MTDH: variants seen among roughly 807,000 people sequenced by gnomAD.
The protein encoded by MTDH is protein LYRIC.
Under a neutral mutation model 72.7 loss-of-function variants are expected in MTDH, and 34 were observed. That is an observed-to-expected ratio of 0.47 (90% confidence interval 0.36 to 0.62). The LOEUF is 0.62. Ranked by LOEUF, MTDH falls within the 20% of genes least tolerant of loss-of-function variation. The pLI is 0.00. For missense variants in MTDH, 677 were observed against 699.4 expected (o/e 0.97, Z 0.36); for synonymous variants, 266 against 268.9 (o/e 0.99, Z 0.10).
At chr8:97,663,765 A>G (rs1355785137) in intron 2 of MTDH, among the ~76,000 whole-genome samples, 1 of 151,362 alleles carries the variant, frequency 6.6e-6, no homozygotes, top group Non-Finnish European at 1.5e-5. Flanking sequence ...AAAAAAAAAA[A>G]AAAGACTTTA....
At chr8:97,657,946 A>C (rs1398240312) in intron 1 of MTDH, among the ~76,000 whole-genome samples, 1 of 152,214 alleles carries the variant, frequency 6.6e-6, no homozygotes, top group East Asian at 1.9e-4. Context: ...TTGCTAATTT[A>C]AGTATGATTA....
intron 1 of MTDH, among the ~76,000 whole-genome samples, chr8:97,659,898 C>A (rs1812113966): frequency 6.6e-6 from 1 of 152,186 alleles, no homozygotes. Context: ...GTGGCTCACG[C>A]CTGTAATCCC....
At chr8:97,666,026 G>GCTGA (rs1212903084) in intron 2 of MTDH, among the ~76,000 whole-genome samples, 4 of 151,948 alleles carry the variant, frequency 2.6e-5, no homozygotes, top group Admixed American at 2.6e-4. Flanking sequence ...TACTCAGGAG[G>GCTGA]CTGAGGCAGG....
At chr8:97,648,772 T>G (rs962412622) in intron 1 of MTDH, among the ~76,000 whole-genome samples, 1 of 152,232 alleles carries the variant, frequency 6.6e-6, no homozygotes, top group African/African-American at 2.4e-5. Context: ...ATAATAGTGT[T>G]TCCTTTTGTT....
chr8:97,719,528 G>C (rs1258148529), intron 10 of MTDH, among the ~76,000 whole-genome samples: 1 of 145,634 alleles, frequency 6.9e-6, no homozygotes, highest in Non-Finnish European at 1.5e-5. Flanking sequence ...ATAAAGTTTT[G>C]TTGACTCAAG....
At chr8:97,658,157 A>T (rs554900699) in intron 1 of MTDH, among the ~76,000 whole-genome samples, 2 of 152,102 alleles carry the variant, frequency 1.3e-5, no homozygotes, top group African/African-American at 2.4e-5. Context: ...GACTTCTGGA[A>T]TCCCAGTAAT....
chr8:97,655,519 C>T (rs1481279329), intron 1 of MTDH, among the ~76,000 whole-genome samples: 1 of 152,200 alleles, frequency 6.6e-6, no homozygotes, highest in Non-Finnish European at 1.5e-5. Flanking sequence ...GCATCTGGAG[C>T]ATTGGACCTG....
chr8:97,713,827 AT>A, intron 9 of MTDH, 58 bp downstream of exon 9: 1 of 972,088 alleles, frequency 1.0e-6, no homozygotes, highest in Non-Finnish European at 1.5e-6. Context: ...ATGTGAAAAG[AT>A]TATGTACAGA....
rs35895126 is a variant in MTDH, at chr8:97,678,594, C to CTTTTTTTTTTTTT, written c.484-8062_484-8050dup. Among the ~76,000 whole-genome samples the CTTTTTTTTTTTTT allele has an allele frequency of 1.4e-3, 116 of 85,322 alleles. 8 individuals carry two copies. The highest frequency in any genetic ancestry group is 3.1e-3 in the African/African-American group (63 of 20,008). 56.0% of individuals were successfully genotyped at this position (85,322 alleles called of 152,430 possible). A position where few individuals can be genotyped will look rare whatever the true frequency, so the allele number is the denominator to read the frequency against. On this transcript the variant is annotated intron_variant, in intron 2 of 11. Coordinates refer to ENST00000336273, the MANE Select transcript of MTDH (RefSeq NM_178812.4). ...GTTTCCTTTGCTTCCTTCCTTCCTTCTTTTTTTTTTTTTTTTTTTTTTTTG... is the reference window on the plus strand; with the variant it reads ...GTTTCCTTTGCTTCCTTCCTTCCTTCTTTTTTTTTTTTTTTTTTTTTTTTTTTTTTTTTTTTTG...
rs373481119 is a variant in MTDH, at chr8:97,644,497, G to A, written c.-10G>A. 7.0e-6 allele frequency: 11 copies of A among 1,566,674 alleles called. No homozygotes were observed. The highest frequency in any genetic ancestry group is 9.4e-6 in the Non-Finnish European group (11 of 1,164,178). On this transcript the variant is annotated 5_prime_UTR_variant, in exon 1 of 12. Transcript: ENST00000336273. ...GCGTCATCCTGCGAGTCCCTCTGACGGGAGGGAAGATGGCTGCACGGAGCT... is the reference window on the plus strand; with the variant it reads ...GCGTCATCCTGCGAGTCCCTCTGACAGGAGGGAAGATGGCTGCACGGAGCT...
chr8:97,679,655 T>C (rs1812991838), intron 2 of MTDH, among the ~76,000 whole-genome samples: 1 of 152,248 alleles, frequency 6.6e-6, no homozygotes, highest in Admixed American at 6.5e-5. Context: ...TTGCTATCAC[T>C]AAAAATAGTT....
chr8:97,699,978 T>C (rs1234188093), intron 7 of MTDH, 126 bp downstream of exon 7: 2 of 530,708 alleles, frequency 3.8e-6, no homozygotes, highest in African/African-American at 3.8e-5. Context: ...GAATATAATT[T>C]AATACCAAAT....
At position 97,689,082 on chromosome 8, in the gene MTDH, A is replaced by G. The variant is rs1197820944; in HGVS notation, c.790A>G (p.Lys264Glu). ...TCAAGTTAGCAACTTTAAATCTGGA[A>G]AAGGAGATTCTACACTTCAGGGTGA... ...NVQVSNFKSGKGDSTLQVSSG... is the reference protein window; with the variant it reads ...NVQVSNFKSGEGDSTLQVSSG... Residue 264 changes from lysine to glutamate, a missense_variant, in exon 5 of 12, where the codon AAA (lysine) becomes GAA (glutamate). Lys to Glu is a moderately conservative substitution (Grantham distance 56, BLOSUM62 1). Transcript: ENST00000336273. 1 of 1,583,998 alleles carries G rather than the reference A, an allele frequency of 6.3e-7. No homozygotes were observed.
chr8:97,722,889 C>G lies in MTDH; in HGVS notation c.1532C>G (p.Thr511Ser). 1 of 1,609,896 alleles carries G rather than the reference C, an allele frequency of 6.2e-7. No individual in the cohort carries two copies. The highest frequency in any genetic ancestry group is 1.1e-5 in the South Asian group (1 of 89,984). The change falls in exon 11 of 12, where the codon ACT becomes AGT. Residue 511 changes from threonine to serine, a missense_variant. Physicochemically the swap from Thr to Ser is moderately conservative, Grantham distance 58 (BLOSUM62 1). Around this residue, in one of 3 missense-constraint regions of MTDH, gnomAD observed 201 missense variants for 204.5 expected, o/e 0.98. Transcript: ENST00000336273. The part of the protein sequence containing the change: ...VLVKNSQPIK[T>S]LPPATSTEPS... ...TTTTTCCTAAAATAGCCTATCAAGACTCTTCCACCTGCTACTTCTACCGAG... is the reference window on the plus strand; with the variant it reads ...TTTTTCCTAAAATAGCCTATCAAGAGTCTTCCACCTGCTACTTCTACCGAG...
chr8:97,682,249 TATA>T (rs1813136721), intron 2 of MTDH, among the ~76,000 whole-genome samples: 2 of 5,960 alleles, frequency 3.4e-4, no homozygotes, highest in Admixed American at 1.7e-3. Flanking sequence ...TATATATATA[TATA>T]TATATATATA....
At chr8:97,685,073 A>C (rs979052120) in intron 2 of MTDH, among the ~76,000 whole-genome samples, 2 of 152,208 alleles carry the variant, frequency 1.3e-5, no homozygotes, top group African/African-American at 4.8e-5. Context: ...CTCAAAAAAA[A>C]CCAAAAAATA....
Position 97,719,094 on chromosome 8 carries a change from A to G in MTDH, c.1426A>G (p.Asn476Asp). ...EKEIREDLPV[N>D]TSKTRPKQEK... ...AGAGATTAGAGAAGACCTTCCAGTG[A>G]ATACCTCTAAAACCCGTCCAAAACA... Residue 476 changes from asparagine to aspartate, a missense_variant, in exon 10 of 12, where the codon AAT becomes GAT. Physicochemically the swap from Asn to Asp is conservative, Grantham distance 23. Coordinates refer to ENST00000336273, the MANE Select transcript of MTDH (RefSeq NM_178812.4). 6.2e-7 allele frequency: 1 copy of G among 1,613,532 alleles called. No homozygotes were observed. Among genetic ancestry groups the G allele is most frequent in the African/African-American group, 1.3e-5 (1 of 75,016 alleles).
intron 2 of MTDH, among the ~76,000 whole-genome samples, chr8:97,682,063 G>C (rs1181571241): frequency 6.6e-6 from 1 of 151,158 alleles, no homozygotes; most frequent in East Asian, 1.9e-4. Flanking sequence ...TATGCTACCA[G>C]CTTCCTTCAA....
At chr8:97,692,660 C>T (rs537192009) in intron 6 of MTDH, among the ~76,000 whole-genome samples, 5 of 152,114 alleles carry the variant, frequency 3.3e-5, no homozygotes, top group Admixed American at 1.3e-4. Context: ...TTACAGGCCA[C>T]GGCGCCCAGC....
Sources: gnomAD v4.1 joint callset for allele counts (sites outside exome capture counted in the v4.1 genomes callset) on GRCh38, gnomAD v4.1.1 for gene constraint, gnomAD v4.1.1 regional missense constraint, MANE v1.5 for transcripts, NCBI Gene and HGNC (gene_info 2026-07-23, HGNC 2026-07-21) for gene names.